SOX5: variants seen among roughly 807,000 people sequenced by gnomAD.
The protein encoded by SOX5 is SRY-box transcription factor 5, also known as transcription factor SOX-5.
In SOX5, 9 loss-of-function variants were observed where a neutral mutation model predicts 92.0. The observed-to-expected ratio is 0.10, with a 90% CI of 0.06 to 0.17. The LOEUF is 0.17. SOX5 is among the 10% of genes least tolerant of loss of function. The pLI is 1.00. For synonymous variants in SOX5, 344 were observed against 336.3 expected (o/e 1.02, Z -0.25); for missense variants, 642 against 944.5 (o/e 0.68, Z 4.20).
At chr12:24,105,480 G>T (rs1241031744) in intron 4 of SOX5, among the ~76,000 whole-genome samples, 1 of 152,154 alleles carries the variant, frequency 6.6e-6, no homozygotes, top group African/African-American at 2.4e-5. Context: ...GGTGGAGGTT[G>T]CAGTGAGCCG....
rs746471686 is a variant in SOX5, at chr12:23,665,608, G to A, written c.811-44C>T. The A allele has an allele frequency of 2.6e-6, 4 of 1,560,016 alleles. No individual in the cohort carries two copies. In the East Asian group the frequency reaches 6.8e-5, roughly 26 times the overall value. ...CGAATCAAAGAGAAGAAGTTTCGAT[G>A]CTCCATGCTTCTTCCCACCCTCCTT... On this transcript the variant is annotated intron_variant, in intron 6 of 14. Coordinates refer to ENST00000451604, the MANE Select transcript of SOX5 (RefSeq NM_006940.6).
chr12:23,846,935 T>C (rs1340082955), intron 2 of SOX5, among the ~76,000 whole-genome samples: 2 of 152,190 alleles, frequency 1.3e-5, no homozygotes, highest in African/African-American at 4.8e-5. Flanking sequence ...TGCTTCTTCA[T>C]AGTCATGTGG....
chr12:24,314,836 T>C lies in SOX5; in HGVS notation c.-173-37524A>G, dbSNP rs1032135816. 3.3e-5 allele frequency among the ~76,000 whole-genome samples: 5 copies of C among 152,234 alleles called. No homozygotes were observed. The South Asian group carries it at 6.2e-4, about 19-fold the overall frequency. ...CATGAAGGCAGGGATGTCTCTTTGC[T>C]TTGTTCCTCATTATATCCTTGGTAC... On this transcript the variant is annotated intron_variant, in intron 2 of 4. Coordinates refer to the SOX5 transcript ENST00000446891.
intron 1 of SOX5, among the ~76,000 whole-genome samples, chr12:24,466,349 G>T (rs1944235624): frequency 6.6e-6 from 1 of 151,850 alleles, no homozygotes; most frequent in African/African-American, 2.4e-5. Context: ...GGACTCAAGT[G>T]TTCCTCCCAC....
chr12:23,811,053 G>A (rs560199537), intron 3 of SOX5, among the ~76,000 whole-genome samples: 1 of 152,126 alleles, frequency 6.6e-6, no homozygotes, highest in African/African-American at 2.4e-5. Context: ...GAGTGGGGGT[G>A]AGTAAGGTAT....
At chr12:24,455,187 T>C (rs1335077104) in intron 1 of SOX5, among the ~76,000 whole-genome samples, 1 of 152,126 alleles carries the variant, frequency 6.6e-6, no homozygotes, top group Non-Finnish European at 1.5e-5. Context: ...GGTTAATCCA[T>C]TGCACAGGAG....
intron 6 of SOX5, among the ~76,000 whole-genome samples, chr12:23,696,919 C>G (rs896300275): frequency 2.0e-5 from 3 of 152,002 alleles, no homozygotes; most frequent in African/African-American, 7.2e-5. Flanking sequence ...TGTTTGCTTA[C>G]TAATTTTTAA....
chr12:24,518,808 G>C (rs192810659), intron 1 of SOX5, among the ~76,000 whole-genome samples: 16 of 152,226 alleles, frequency 1.1e-4, no homozygotes, highest in Non-Finnish European at 2.2e-4. Flanking sequence ...TCAACCATAT[G>C]CTTCACTTTT....
intron 4 of SOX5, among the ~76,000 whole-genome samples, chr12:23,960,524 T>C (rs1180248956): frequency 1.5e-5 from 1 of 66,232 alleles, no homozygotes; most frequent in South Asian, 5.1e-4. Flanking sequence ...CATATATATA[T>C]ATATACATAT....
intron 4 of SOX5, among the ~76,000 whole-genome samples, chr12:24,202,518 C>T (rs1957623271): frequency 6.6e-6 from 1 of 152,132 alleles, no homozygotes; most frequent in South Asian, 2.1e-4. Flanking sequence ...ATCTATGGCC[C>T]TCATTGAAAT....
At chr12:24,151,892 G>A (rs963301646) in intron 4 of SOX5, among the ~76,000 whole-genome samples, 3 of 151,870 alleles carry the variant, frequency 2.0e-5, no homozygotes, top group Non-Finnish European at 4.4e-5. Context: ...AATAAAATAA[G>A]CTTACTATTT....
intron 6 of SOX5, among the ~76,000 whole-genome samples, chr12:23,722,716 G>C (rs1490874665): frequency 2.6e-5 from 4 of 152,100 alleles, no homozygotes; most frequent in Non-Finnish European, 5.9e-5. Flanking sequence ...GTGCTCCTGA[G>C]TCTGACTGAT....
chr12:24,058,459 T>C (rs1488919800), intron 4 of SOX5, among the ~76,000 whole-genome samples: 1 of 152,208 alleles, frequency 6.6e-6, no homozygotes, highest in Non-Finnish European at 1.5e-5. Context: ...GGTAACCCAC[T>C]AGAAAAATCA....
In SOX5 at chr12:23,542,483, G is replaced by C. The variant is rs567791705; in HGVS notation, c.1771+728C>G. On this transcript the variant is annotated intron_variant, in intron 13 of 14. Coordinates refer to ENST00000451604, the MANE Select transcript of SOX5 (RefSeq NM_006940.6). ...CTGGGACCTGAACTGGTCTATAATA[G>C]GTATCTTTATAATCAGCACCCTTTC... 9.2e-5 allele frequency among the ~76,000 whole-genome samples: 14 copies of C among 152,160 alleles called. No individual in the cohort carries two copies. In the South Asian group the frequency reaches 1.0e-3, roughly 11 times the overall value.
rs1555115072 is a variant in SOX5 at position 23,530,822 on chromosome 12, C to CGCGCGCGT, written c.*3396_*3397insACGCGCGC. The CGCGCGCGT allele has an allele frequency of 1.1e-5, 1 of 88,952 alleles. No individual in the cohort carries two copies. Among genetic ancestry groups the CGCGCGCGT allele is most frequent in the Non-Finnish European group, 2.1e-5 (1 of 46,828 alleles). The allele number at this position is 88,952 out of a possible 1,614,324, so 5.5% of individuals were successfully genotyped here. The stretch of plus-strand genomic sequence containing the variant: ...AAGTGTGTGTGTGTGTGTGTGTGCG[C>CGCGCGCGT]GCGCGCGCGCGCGCATGTGAGAGAG... On this transcript the variant is annotated 3_prime_UTR_variant, in exon 15 of 15. Coordinates refer to ENST00000451604, the MANE Select transcript of SOX5 (RefSeq NM_006940.6).
intron 4 of SOX5, among the ~76,000 whole-genome samples, chr12:24,091,332 A>G (rs1489550133): frequency 6.6e-6 from 1 of 152,174 alleles, no homozygotes; most frequent in Non-Finnish European, 1.5e-5. Flanking sequence ...GTGTTTTTCT[A>G]CTTAAAGCTA....
At chr12:23,932,893 A>G (rs1413290585) in intron 1 of SOX5, among the ~76,000 whole-genome samples, 1 of 151,666 alleles carries the variant, frequency 6.6e-6, no homozygotes, top group Non-Finnish European at 1.5e-5. Flanking sequence ...AGTTTTGAAG[A>G]TAAGTGTTAC....
chr12:23,850,578 T>C (rs1489797536), intron 2 of SOX5, among the ~76,000 whole-genome samples: 1 of 151,848 alleles, frequency 6.6e-6, no homozygotes, highest in African/African-American at 2.4e-5. Context: ...GAAAAAAATA[T>C]ACCTTATAAC....
chr12:24,255,312 T>C (rs1940961924), intron 3 of SOX5, among the ~76,000 whole-genome samples: 1 of 152,184 alleles, frequency 6.6e-6, no homozygotes, highest in Admixed American at 6.5e-5. Context: ...AGACAATATA[T>C]GGATTAATTC....
Sources: allele counts gnomAD v4.1 joint callset (sites outside exome capture counted in the v4.1 genomes callset), GRCh38; gene constraint gnomAD v4.1.1; transcripts MANE v1.5; gene names NCBI Gene and HGNC (gene_info 2026-07-23, HGNC 2026-07-21).